Variants in TRPC3 observed in about 807,000 individuals in gnomAD.
TRPC3 encodes transient receptor potential cation channel subfamily C member 3.
A neutral mutation model predicts 90.9 loss-of-function variants in TRPC3; 54 were observed. The ratio of observed to expected loss-of-function variants is 0.59; its 90% CI spans 0.48 to 0.75. The LOEUF (loss-of-function observed/expected upper bound fraction) is 0.75, where lower values mean the gene tolerates loss of function less well. Among genes scored for constraint, TRPC3 ranks in the 30% least tolerant of loss-of-function variants. The pLI is 0.00. For missense variants in TRPC3, 918 were observed against 1,194.5 expected (o/e 0.77, Z 3.41); for synonymous variants, 424 against 450.9 (o/e 0.94, Z 0.75).
rs544981313 is a variant in TRPC3 at position 121,932,179 on chromosome 4, G to T, written c.987+92C>A. 6.5e-7 allele frequency: 1 copy of T among 1,539,538 alleles called. No individual in the cohort carries two copies. ...GATTTCACATTCACTGGGCAAAACC[G>T]AATGTGGAGCGAACGGTGGCAGAGC... On this transcript the variant is annotated intron_variant, in intron 2 of 11. Coordinates refer to ENST00000379645, the MANE Select transcript of TRPC3 (RefSeq NM_001130698.2). This position sits in a 1 kb window ranked among gnomAD's most constrained non-coding sequence, Gnocchi z 7.7.
chr4:121,912,617 A>G (rs1450988201), intron 4 of TRPC3, among the ~76,000 whole-genome samples: 1 of 152,188 alleles, frequency 6.6e-6, no homozygotes, highest in African/African-American at 2.4e-5. Context: ...TATACCTGGT[A>G]TGCTATAAAA....
rs184839550 is a variant in TRPC3, at chr4:121,920,181, G to A, written c.1176+4837C>T. 1.1e-3 allele frequency among the ~76,000 whole-genome samples: 165 copies of A among 152,096 alleles called. 2 individuals are homozygous for A. Among genetic ancestry groups the A allele is most frequent in the Non-Finnish European group, 1.8e-3 (121 of 67,998 alleles). On this transcript the variant is annotated intron_variant, in intron 3 of 11. Coordinates refer to ENST00000379645, the MANE Select transcript of TRPC3 (RefSeq NM_001130698.2). ...ATAGGTATTTCTATAAATAGTAATA[G>A]TGTTCACTATCCTTCCAGTTTTAAA...
rs140986767 is a variant in TRPC3 at position 121,903,086 on chromosome 4, A to C, written c.2254-25T>G. 6,834 of 1,570,242 alleles carry C rather than the reference A, an allele frequency of 4.4e-3. 29 individuals are homozygous for C. Among genetic ancestry groups the C allele is most frequent in the Non-Finnish European group, 5.2e-3 (6,007 of 1,160,542 alleles). On this transcript the variant is annotated intron_variant, in intron 8 of 11. Transcript: ENST00000379645. ...CCTGTGTCACAAAAATAGAAAAAAAAACTAATTTTAAATGCTAAATATTCT... is the reference window on the plus strand; with the variant it reads ...CCTGTGTCACAAAAATAGAAAAAAACACTAATTTTAAATGCTAAATATTCT...
In TRPC3 at chr4:121,925,209, A is replaced by G. The variant is rs777433307; in HGVS notation, c.988-3T>C. On this transcript the variant is annotated splice_region_variant and splice_polypyrimidine_tract_variant and intron_variant, in intron 2 of 11. Transcript: ENST00000379645. ...ATGGAGAGCTTCCGATAGTCATTCT[A>G]AGAACAAGAGGTTTAGTGTTTTAAC... 2 of 1,607,078 alleles carry G rather than the reference A, an allele frequency of 1.2e-6. No individual in the cohort carries two copies. Among genetic ancestry groups the G allele is most frequent in the Non-Finnish European group, 1.7e-6 (2 of 1,177,824 alleles).
Position 121,875,859 on chromosome 4 carries a change from A to G in TRPC3, c.*3877T>C, listed in dbSNP as rs1043505898. ...TAGAAATTCTCAAACTCTTTTTTAAACTGAACAAAGTTATAAATACCCATT... is the reference window on the plus strand; with the variant it reads ...TAGAAATTCTCAAACTCTTTTTTAAGCTGAACAAAGTTATAAATACCCATT... On this transcript the variant is annotated 3_prime_UTR_variant, in exon 12 of 12. Coordinates refer to ENST00000379645, the MANE Select transcript of TRPC3 (RefSeq NM_001130698.2). 2.7e-5 allele frequency among the ~76,000 whole-genome samples: 4 copies of G among 150,072 alleles called. No individual in the cohort carries two copies. Among genetic ancestry groups the G allele is most frequent in the African/African-American group, 9.8e-5 (4 of 40,762 alleles).
chr4:121,945,721 G>A (rs1197587055), intron 1 of TRPC3, among the ~76,000 whole-genome samples: 1 of 152,196 alleles, frequency 6.6e-6, no homozygotes, highest in African/African-American at 2.4e-5. Context: ...CCCTATGGGA[G>A]ATAGGATATG....
At chr4:121,900,287 A>G (rs550398870) in intron 9 of TRPC3, among the ~76,000 whole-genome samples, 1 of 152,274 alleles carries the variant, frequency 6.6e-6, no homozygotes, top group African/African-American at 2.4e-5. Context: ...GTGGGTAGGA[A>G]CAGGAAGCAA....
At chr4:121,937,069 C>T (rs1218280699) in intron 1 of TRPC3, among the ~76,000 whole-genome samples, 3 of 152,202 alleles carry the variant, frequency 2.0e-5, no homozygotes, top group African/African-American at 7.2e-5. Flanking sequence ...AAGTAACACT[C>T]CTCACTTTTC....
chr4:121,907,877 T>C (rs1204327093), intron 6 of TRPC3, among the ~76,000 whole-genome samples: 1 of 152,108 alleles, frequency 6.6e-6, no homozygotes, highest in Non-Finnish European at 1.5e-5. Flanking sequence ...GTATCCAGGA[T>C]GACAAAACAA....
At chr4:121,885,879 ATAGCTTTCTTGGTAC>A (rs1204165380) in intron 10 of TRPC3, among the ~76,000 whole-genome samples, 1 of 152,174 alleles carries the variant, frequency 6.6e-6, no homozygotes, top group Non-Finnish European at 1.5e-5. Context: ...CAGAAATTAT[ATAGCTTTCTTGGTAC>A]AAGCCTGTGA....
At chr4:121,912,536 T>C (rs759881625) in intron 4 of TRPC3, among the ~76,000 whole-genome samples, 1 of 152,210 alleles carries the variant, frequency 6.6e-6, no homozygotes, top group South Asian at 2.1e-4. Context: ...TAAAAACCCT[T>C]TGAAGATTAA....
intron 1 of TRPC3, among the ~76,000 whole-genome samples, chr4:121,943,935 A>G (rs1730405588): frequency 6.6e-6 from 1 of 152,088 alleles, no homozygotes; most frequent in Admixed American, 6.5e-5. Context: ...TTTTTTTTTA[A>G]CTAGATAATT....
chr4:121,880,318 A>G (rs971291592), intron 11 of TRPC3, among the ~76,000 whole-genome samples: 1 of 152,212 alleles, frequency 6.6e-6, no homozygotes, highest in African/African-American at 2.4e-5. Context: ...GAATCAATCT[A>G]TCTGACAGGC....
chr4:121,892,686 C>T (rs545075162), intron 10 of TRPC3, among the ~76,000 whole-genome samples: 1 of 152,170 alleles, frequency 6.6e-6, no homozygotes, highest in South Asian at 2.1e-4. Flanking sequence ...TTTAAAATGT[C>T]ACTGAATACA....
At chr4:121,937,085 T>C (rs772249986) in intron 1 of TRPC3, among the ~76,000 whole-genome samples, 9 of 152,190 alleles carry the variant, frequency 5.9e-5, no homozygotes, top group Non-Finnish European at 1.3e-4. Flanking sequence ...TTTTCCTAAC[T>C]TTGCTATCAA....
intron 1 of TRPC3, among the ~76,000 whole-genome samples, chr4:121,942,888 G>A (rs1023173946): frequency 3.9e-5 from 6 of 152,156 alleles, no homozygotes; most frequent in African/African-American, 1.4e-4. Flanking sequence ...TTAAACGAAC[G>A]TATGTGCCCA....
chr4:121,929,612 C>G (rs1376355807), intron 2 of TRPC3, among the ~76,000 whole-genome samples: 2 of 152,086 alleles, frequency 1.3e-5, no homozygotes, highest in Non-Finnish European at 2.9e-5. Context: ...AGCTATCCTC[C>G]ATTAATTTAT....
At chr4:121,918,521 T>A (rs989383095) in intron 3 of TRPC3, among the ~76,000 whole-genome samples, 1 of 152,216 alleles carries the variant, frequency 6.6e-6, no homozygotes, top group African/African-American at 2.4e-5. Context: ...CCTTCCCATA[T>A]GGCATATATG....
At position 121,932,509 on chromosome 4, in the gene TRPC3, T is replaced by G; in HGVS notation, c.749A>C (p.His250Pro). ...AAHCQKYEVVHMLLMKGARIE... is the reference protein window; with the variant it reads ...AAHCQKYEVVPMLLMKGARIE... Reference sequence around the variant, plus strand: ...CCTGGCACCCTTCATCAGCAGCATGTGCACCACTTCGTATTTCTGGCAGTG... The same window carrying G: ...CCTGGCACCCTTCATCAGCAGCATGGGCACCACTTCGTATTTCTGGCAGTG... Residue 250 changes from histidine (H) to proline (P), a missense_variant, in exon 2 of 12, where the codon CAC (histidine) becomes CCC (proline). Coordinates refer to ENST00000379645, the MANE Select transcript of TRPC3 (RefSeq NM_001130698.2). The surrounding 1 kb of genome is among the most constrained non-coding windows in gnomAD (Gnocchi z 7.7). 6.2e-7 allele frequency: 1 copy of G among 1,614,224 alleles called. No individual in the cohort carries two copies.
Sources: allele counts gnomAD v4.1 joint callset (sites outside exome capture counted in the v4.1 genomes callset), GRCh38; gene constraint gnomAD v4.1.1; non-coding constraint Gnocchi (gnomAD v3.1); transcripts MANE v1.5; gene names NCBI Gene and HGNC (gene_info 2026-07-23, HGNC 2026-07-21).